SLC16A10: variants seen among roughly 807,000 people sequenced by gnomAD.
SLC16A10 encodes monocarboxylate transporter 10.
A neutral mutation model predicts 40.0 loss-of-function variants in SLC16A10; 27 were observed. That is an observed-to-expected ratio of 0.67 (90% CI 0.50 to 0.93). SLC16A10 has a LOEUF of 0.93. SLC16A10 is among the 40% of genes least tolerant of loss of function. The pLI is 0.00. For missense variants in SLC16A10, 529 were observed against 658.2 expected (o/e 0.80, Z 2.15); for synonymous variants, 213 against 249.8 (o/e 0.85, Z 1.39).
intron 1 of SLC16A10, among the ~76,000 whole-genome samples, chr6:111,120,194 A>T (rs1771559628): frequency 6.6e-6 from 1 of 152,068 alleles, no homozygotes; most frequent in South Asian, 2.1e-4. Flanking sequence ...TTCATGAAAC[A>T]TTTTTTTCCA....
intron 1 of SLC16A10, among the ~76,000 whole-genome samples, chr6:111,169,135 G>A (rs1321530898): frequency 2.0e-5 from 3 of 152,154 alleles, no homozygotes; most frequent in Non-Finnish European, 4.4e-5. Flanking sequence ...ATACTGTAAT[G>A]GTGTCTGTGT....
chr6:111,192,471 C>A, intron 3 of SLC16A10, among the ~76,000 whole-genome samples: 1 of 152,168 alleles, frequency 6.6e-6, no homozygotes, highest in South Asian at 2.1e-4. Flanking sequence ...AACTTTCCCA[C>A]ATTTTCCTAT....
At chr6:111,191,086 G>A (rs1772982945) in intron 3 of SLC16A10, among the ~76,000 whole-genome samples, 1 of 152,098 alleles carries the variant, frequency 6.6e-6, no homozygotes, top group African/African-American at 2.4e-5. Context: ...TGTTACATAG[G>A]CATACATATG....
chr6:111,177,456 T>C lies in SLC16A10; in HGVS notation c.733T>C (p.Phe245Leu). The change falls in exon 3 of 6, where the codon TTT becomes CTT. Residue 245 changes from phenylalanine (F) to leucine (L), a missense_variant. By Grantham distance (22) the Phe-to-Leu change is conservative. Coordinates refer to ENST00000368851, the MANE Select transcript of SLC16A10 (RefSeq NM_018593.5). ...RVLCIFMFVL[F>L]LAGFTYRPLA... ...GCTCTGCATCTTCATGTTTGTTCTC[T>C]TTCTGGCTGGCTTTACTTACCGACC... 5.6e-6 allele frequency: 9 copies of C among 1,614,158 alleles called. No individual in the cohort carries two copies. Among genetic ancestry groups the C allele is most frequent in the Non-Finnish European group, 7.6e-6 (9 of 1,180,030 alleles).
chr6:111,105,784 G>T (rs1461842804), intron 1 of SLC16A10, among the ~76,000 whole-genome samples: 1 of 152,196 alleles, frequency 6.6e-6, no homozygotes, highest in Non-Finnish European at 1.5e-5. Flanking sequence ...TGATCTCTCA[G>T]GACTCAGGTC....
intron 1 of SLC16A10, among the ~76,000 whole-genome samples, chr6:111,163,738 T>TACA (rs1772419205): frequency 6.6e-6 from 1 of 152,148 alleles, no homozygotes; most frequent in African/African-American, 2.4e-5. Flanking sequence ...ACATTAGAGG[T>TACA]TTAAAACACT....
At chr6:111,196,127 A>G (rs1409478825) in intron 3 of SLC16A10, among the ~76,000 whole-genome samples, 2 of 152,170 alleles carry the variant, frequency 1.3e-5, no homozygotes, top group Admixed American at 1.3e-4. Context: ...ACCTGAGGTC[A>G]GGAGTTCGAG....
intron 4 of SLC16A10, among the ~76,000 whole-genome samples, chr6:111,217,435 T>C (rs955200493): frequency 1.4e-5 from 2 of 139,164 alleles, no homozygotes; most frequent in Non-Finnish European, 3.3e-5. Context: ...AATTGTTCAG[T>C]TTTTGTTGTT....
At chr6:111,219,633 C>A (rs1770851163) in intron 5 of SLC16A10, among the ~76,000 whole-genome samples, 1 of 152,012 alleles carries the variant, frequency 6.6e-6, no homozygotes, top group Non-Finnish European at 1.5e-5. Context: ...ATAGAAAAAA[C>A]CCAAATGCCT....
At chr6:111,104,646 G>A (rs1771249138) in intron 1 of SLC16A10, among the ~76,000 whole-genome samples, 1 of 152,130 alleles carries the variant, frequency 6.6e-6, no homozygotes, top group African/African-American at 2.4e-5. Context: ...CATCAAGGGC[G>A]ATGTCAGGCA....
intron 1 of SLC16A10, among the ~76,000 whole-genome samples, chr6:111,103,105 C>G (rs1474817906): frequency 6.6e-6 from 1 of 152,000 alleles, no homozygotes; most frequent in African/African-American, 2.4e-5. Flanking sequence ...GGGGTTTCGC[C>G]ACATTGCCCA....
intron 1 of SLC16A10, among the ~76,000 whole-genome samples, chr6:111,160,242 TTTC>T (rs1186599674): frequency 1.3e-5 from 2 of 152,172 alleles, no homozygotes; most frequent in African/African-American, 4.8e-5. Context: ...TCTCCGGTAT[TTTC>T]TTCTTTTGTT....
chr6:111,098,331 A>G (rs1771113422), intron 1 of SLC16A10, among the ~76,000 whole-genome samples: 1 of 152,124 alleles, frequency 6.6e-6, no homozygotes, highest in African/African-American at 2.4e-5. Context: ...CCCTAGGTGG[A>G]AGGATCGCTT....
intron 1 of SLC16A10, among the ~76,000 whole-genome samples, chr6:111,162,908 T>A (rs569173010): frequency 8.0e-4 from 121 of 152,156 alleles, no homozygotes; most frequent in Admixed American, 4.6e-3. Context: ...ACATTTCAGC[T>A]CTTCATGAGT....
At chr6:111,092,549 C>T (rs1345168848) in intron 1 of SLC16A10, among the ~76,000 whole-genome samples, 2 of 150,082 alleles carry the variant, frequency 1.3e-5, no homozygotes, top group East Asian at 2.0e-4. Context: ...CTCCTGACCT[C>T]GTGATCCACC....
chr6:111,206,756 TC>T, intron 4 of SLC16A10, 21 bp downstream of exon 4: 1 of 1,605,202 alleles, frequency 6.2e-7, no homozygotes, highest in Non-Finnish European at 8.5e-7. Flanking sequence ...ACACCTTTTT[TC>T]CCCTATCAAA....
chr6:111,189,001 T>C (rs1451716386), intron 3 of SLC16A10, among the ~76,000 whole-genome samples: 3 of 152,216 alleles, frequency 2.0e-5, no homozygotes, highest in Admixed American at 2.0e-4. Flanking sequence ...CCTTAATTAT[T>C]GTTGTTTGAC....
chr6:111,142,495 T>C (rs530798379), intron 1 of SLC16A10, among the ~76,000 whole-genome samples: 2 of 152,354 alleles, frequency 1.3e-5, no homozygotes, highest in South Asian at 2.1e-4. Context: ...ATGATTCTTA[T>C]CTAAAATATA....
At chr6:111,193,196 C>T (rs1773025567) in intron 3 of SLC16A10, 1 of 652,606 alleles carries the variant, frequency 1.5e-6, no homozygotes, top group African/African-American at 2.0e-5. Flanking sequence ...TTCTCTCCTT[C>T]ACTTTGTCCC....
Sources: allele counts gnomAD v4.1 joint callset (sites outside exome capture counted in the v4.1 genomes callset), GRCh38; gene constraint gnomAD v4.1.1; transcripts MANE v1.5; gene names NCBI Gene and HGNC (gene_info 2026-07-23, HGNC 2026-07-21).